The following GPRIN3 variants were observed in gnomAD, a reference collection of about 807,000 sequenced individuals.
The protein encoded by GPRIN3 is G protein-regulated inducer of neurite outgrowth 3.
In GPRIN3, 12 loss-of-function variants were observed where a neutral mutation model predicts 13.7. The observed-to-expected ratio is 0.87, with a 90% CI of 0.56 to 1.42. The LOEUF is 1.42. Ranked by LOEUF, GPRIN3 falls within the 40% of genes most tolerant of loss-of-function variation. The pLI is 0.00. For missense variants in GPRIN3, 1,009 were observed against 958.7 expected, an observed-to-expected ratio of 1.05 and a Z score of -0.69; for synonymous variants, 377 against 372.7, an observed-to-expected ratio of 1.01 and a Z score of -0.13.
chr4:89,268,628 T>C (rs953474810), intron 1 of GPRIN3, among the ~76,000 whole-genome samples: 2 of 152,234 alleles, frequency 1.3e-5, no homozygotes, highest in Admixed American at 6.5e-5. Flanking sequence ...GAGTTGATCC[T>C]GAAATTCCCT....
chr4:89,250,041 C>G lies in GPRIN3; in HGVS notation c.70G>C (p.Asp24His), dbSNP rs541827204. ...SLIAASGKED[D>H]LGEPQAASPR... ...GAGGCAGCCTGTGGCTCTCCTAGAT[C>G]GTCTTCTTTTCCGGAAGCTGCAATC... is the stretch of plus-strand genomic sequence containing the variant. Residue 24 changes from aspartate (D) to histidine (H), a missense_variant, in exon 2 of 2, where the codon GAT (aspartate) becomes CAT (histidine). Transcript: ENST00000609438. The G allele has an allele frequency of 5.6e-6, 9 of 1,614,174 alleles. No individual in the cohort carries two copies. The highest frequency in any genetic ancestry group is 7.6e-6 in the Non-Finnish European group (9 of 1,179,992).
At chr4:89,264,166 G>C (rs1011460761) in intron 1 of GPRIN3, among the ~76,000 whole-genome samples, 2 of 152,144 alleles carry the variant, frequency 1.3e-5, no homozygotes, top group Non-Finnish European at 2.9e-5. Context: ...GATGTGTTTA[G>C]GTCATGGGGG....
chr4:89,284,148 T>C (rs1724335173), intron 1 of GPRIN3, among the ~76,000 whole-genome samples: 1 of 152,084 alleles, frequency 6.6e-6, no homozygotes, highest in Non-Finnish European at 1.5e-5. Context: ...CTCAGCAGGA[T>C]TCTGGAAAGG....
rs573014985 is a variant in GPRIN3 at position 89,275,199 on chromosome 4, C to T, written c.-123-24966G>A. On this transcript the variant is annotated intron_variant, in intron 1 of 1. Transcript: ENST00000609438. ...ACAGTGTATGGTATGTGAGCCCACA[C>T]ATAGGGGATGGGTGGGAAGCAATTA... Among the ~76,000 whole-genome samples the T allele has an allele frequency of 1.3e-3, 196 of 151,248 alleles. 1 individual carries two copies. Among genetic ancestry groups the T allele is most frequent in the African/African-American group, 4.4e-3 (182 of 41,172 alleles).
intron 1 of GPRIN3, among the ~76,000 whole-genome samples, chr4:89,273,383 G>A (rs1243725421): frequency 6.6e-6 from 1 of 152,138 alleles, no homozygotes; most frequent in East Asian, 1.9e-4. Flanking sequence ...ATAAACTAAT[G>A]TTAAAAAACA....
intron 1 of GPRIN3, among the ~76,000 whole-genome samples, chr4:89,292,242 ACTTT>A (rs1724592889): frequency 6.6e-6 from 1 of 152,160 alleles, no homozygotes; most frequent in African/African-American, 2.4e-5. Context: ...AAAACTATAT[ACTTT>A]CTTCCCTTTT....
rs1041977298 is a variant in GPRIN3 at position 89,249,773 on chromosome 4, G to C, written c.338C>G (p.Pro113Arg). 1.2e-6 allele frequency: 2 copies of C among 1,614,172 alleles called. No individual in the cohort carries two copies. The highest frequency in any genetic ancestry group is 1.7e-6 in the Non-Finnish European group (2 of 1,180,012). ...AAGATCCCTTCCTGCTGCAGAACTC[G>C]GGGCTGATGCTGCGGGCTGGCTGCT... Reference protein sequence around the residue: ...PGSSQPAASAPSSAAGRDLIH... With the variant: ...PGSSQPAASARSSAAGRDLIH... Residue 113 changes from proline to arginine, a missense_variant, in exon 2 of 2, where the codon CCG becomes CGG. Transcript: ENST00000609438.
intron 1 of GPRIN3, among the ~76,000 whole-genome samples, chr4:89,294,021 G>A (rs1724663717): frequency 6.6e-6 from 1 of 152,006 alleles, no homozygotes. Flanking sequence ...CCCTTGTTTT[G>A]GGGATAGGGA....
chr4:89,291,319 A>T (rs1281709917), intron 1 of GPRIN3, among the ~76,000 whole-genome samples: 2 of 152,126 alleles, frequency 1.3e-5, no homozygotes, highest in Admixed American at 1.3e-4. Flanking sequence ...CCACCAAGAA[A>T]TTTCCCTTCA....
intron 1 of GPRIN3, among the ~76,000 whole-genome samples, chr4:89,305,994 T>TC (rs1725024011): frequency 7.9e-5 from 12 of 152,180 alleles, no homozygotes; most frequent in Admixed American, 7.9e-4. Flanking sequence ...TCTCCATGAG[T>TC]TCCTCTGCTG....
intron 1 of GPRIN3, among the ~76,000 whole-genome samples, chr4:89,286,091 GTA>G (rs35444036): frequency 0.13 from 18,368 of 146,500 alleles, 1,278 homozygotes; most frequent in East Asian, 0.28. Context: ...ATGTGTGTGT[GTA>G]TATATATATA....
Position 89,240,230 on chromosome 4 carries a change from T to C in GPRIN3, c.*7550A>G, listed in dbSNP as rs1364647561. ...ACACAGTATTACCTGTTATTGATAA[T>C]ACTAATTTTTTGTTTGAGTCCATCT... On this transcript the variant is annotated 3_prime_UTR_variant, in exon 2 of 2. Coordinates refer to ENST00000609438, the MANE Select transcript of GPRIN3 (RefSeq NM_198281.3). 3 of 152,202 alleles carry C rather than the reference T, an allele frequency of 2.0e-5. No homozygotes were observed. Among genetic ancestry groups the C allele is most frequent in the African/African-American group, 7.2e-5 (3 of 41,450 alleles). 9.4% of individuals were successfully genotyped at this position (152,202 alleles called of 1,614,324 possible).
At position 89,249,133 on chromosome 4, in the gene GPRIN3, C is replaced by A. The variant is rs140068969; in HGVS notation, c.978G>T (p.Ala326=). 99 of 1,614,186 alleles carry A rather than the reference C, an allele frequency of 6.1e-5. 1 individual carries two copies. In the African/African-American group the frequency reaches 1.3e-3, roughly 20 times the overall value. The part of the protein sequence containing the change: ...AWQDAEVQAV[A]SVESRSVSTS... ...TGGAGACGGATCTGCTCTCGACACT[C>A]GCCACTGCCTGCACCTCCGCATCTT... The change falls in exon 2 of 2, where the codon GCG becomes GCT. Residue 326 remains alanine, a synonymous_variant. Transcript: ENST00000609438.
chr4:89,248,663 T>C lies in GPRIN3; in HGVS notation c.1448A>G (p.Tyr483Cys). Residue 483 changes from tyrosine to cysteine, a missense_variant, in exon 2 of 2, where the codon TAT becomes TGT. Physicochemically the swap from Tyr to Cys is radical, Grantham distance 194 (BLOSUM62 -2). Coordinates refer to ENST00000609438, the MANE Select transcript of GPRIN3 (RefSeq NM_198281.3). ...CCTGGTTTCAAATTTCCCCAATCCATAACTTGTTTCAGCTTGACTGCATGC... is the reference window on the plus strand; with the variant it reads ...CCTGGTTTCAAATTTCCCCAATCCACAACTTGTTTCAGCTTGACTGCATGC... ...ISACSQAETS[Y>C]GLGKFETRPS... The C allele has an allele frequency of 3.1e-6, 5 of 1,614,090 alleles. No individual in the cohort carries two copies. Among genetic ancestry groups the C allele is most frequent in the Non-Finnish European group, 4.2e-6 (5 of 1,179,974 alleles).
chr4:89,298,147 C>T (rs571936081), intron 1 of GPRIN3, among the ~76,000 whole-genome samples: 5 of 152,222 alleles, frequency 3.3e-5, no homozygotes, highest in Admixed American at 2.0e-4. Context: ...AGAAATTTCT[C>T]GTAGTACACA....
rs1305330758 is a variant in GPRIN3 at position 89,248,561 on chromosome 4, G to C, written c.1550C>G (p.Ser517Cys). 1.9e-6 allele frequency: 3 copies of C among 1,612,902 alleles called. No individual in the cohort carries two copies. The highest frequency in any genetic ancestry group is 2.5e-6 in the Non-Finnish European group (3 of 1,179,098). Residue 517 changes from serine (S) to cysteine (C), a missense_variant, in exon 2 of 2, where the codon TCT becomes TGT. Transcript: ENST00000609438. ...CCCAGAATGATCAGCTTTGCTGATA[G>C]AGCCACAAGAGTCAGATAGTTTGCA... ...PDCKLSDSCG[S>C]ISKADHSGSL...
At chr4:89,285,728 A>G (rs960865957) in intron 1 of GPRIN3, among the ~76,000 whole-genome samples, 1 of 152,176 alleles carries the variant, frequency 6.6e-6, no homozygotes, top group Admixed American at 6.5e-5. Context: ...TCTGTAAACA[A>G]ACTGAAACTG....
rs1253807124 is a variant in GPRIN3, at chr4:89,248,197, G to T, written c.1914C>A (p.Val638=). Residue 638 remains valine, a synonymous_variant, in exon 2 of 2, where the codon GTC becomes GTA. Coordinates refer to ENST00000609438, the MANE Select transcript of GPRIN3 (RefSeq NM_198281.3). ...ACTTTTGCTCCTTGAGGAACTCGCT[G>T]ACGCGGCTGGGCCTGCGTGGGCTGG... The part of the protein sequence containing the change: ...VKASPRRPSR[V]SEFLKEQKLN... The T allele has an allele frequency of 6.2e-7, 1 of 1,614,190 alleles. No individual in the cohort carries two copies. Among genetic ancestry groups the T allele is most frequent in the Non-Finnish European group, 8.5e-7 (1 of 1,180,024 alleles).
chr4:89,254,438 T>C (rs1267245490), intron 1 of GPRIN3, among the ~76,000 whole-genome samples: 1 of 152,122 alleles, frequency 6.6e-6, no homozygotes, highest in Non-Finnish European at 1.5e-5. Flanking sequence ...TATGTGTCCA[T>C]GGGTTCTCAT....
Sources: allele counts gnomAD v4.1 joint callset (sites outside exome capture counted in the v4.1 genomes callset), GRCh38; gene constraint gnomAD v4.1.1; transcripts MANE v1.5; gene names NCBI Gene and HGNC (gene_info 2026-07-23, HGNC 2026-07-21).